TMCC1: variants seen among roughly 807,000 people sequenced by gnomAD.
TMCC1 encodes the protein transmembrane and coiled-coil domain family 1.
A neutral mutation model predicts 52.4 loss-of-function variants in TMCC1; 15 were observed. The ratio of observed to expected loss-of-function variants is 0.29; its 90% CI spans 0.19 to 0.44. The LOEUF is 0.44. TMCC1 is among the 20% of genes least tolerant of loss of function. The probability of loss-of-function intolerance (pLI) is 1.00; values close to 1 mark genes in which losing one functional copy is unlikely to be tolerated. For synonymous variants in TMCC1, 279 were observed against 301.9 expected, an observed-to-expected ratio of 0.92 and a Z score of 0.79; for missense variants, 503 against 806.0, an observed-to-expected ratio of 0.62 and a Z score of 4.55.
intron 4 of TMCC1, among the ~76,000 whole-genome samples, chr3:129,772,745 C>T (rs1295344536): frequency 1.5e-5 from 2 of 130,588 alleles, no homozygotes; most frequent in Non-Finnish European, 3.3e-5. Flanking sequence ...AAAAAAAAAA[C>T]TGATTCACAG....
chr3:129,853,635 CAA>C (rs150947206), intron 2 of TMCC1, among the ~76,000 whole-genome samples: 174 of 112,840 alleles, frequency 1.5e-3, no homozygotes, highest in African/African-American at 4.6e-3. Flanking sequence ...CACCCCACCT[CAA>C]AAAAAAAAAA....
intron 4 of TMCC1, among the ~76,000 whole-genome samples, chr3:129,719,678 G>T (rs901674507): frequency 6.6e-6 from 1 of 152,208 alleles, no homozygotes; most frequent in African/African-American, 2.4e-5. Flanking sequence ...CTGGTGGGAA[G>T]AAATCTCCAC....
intron 4 of TMCC1, among the ~76,000 whole-genome samples, chr3:129,672,188 C>A (rs562060932): frequency 5.3e-4 from 80 of 152,256 alleles, no homozygotes; most frequent in African/African-American, 1.8e-3. Flanking sequence ...ACATAGTTAG[C>A]TAAATTTGGG....
chr3:129,825,759 C>A (rs1022728811), intron 4 of TMCC1, among the ~76,000 whole-genome samples: 1 of 152,176 alleles, frequency 6.6e-6, no homozygotes, highest in Non-Finnish European at 1.5e-5. Flanking sequence ...AGATCAGCGG[C>A]TACCAGAGGC....
Position 129,651,715 on chromosome 3 carries a change from C to A in TMCC1, c.1728G>T (p.Gly576=), listed in dbSNP as rs778904612. 3.0e-5 allele frequency: 48 copies of A among 1,614,098 alleles called. No homozygotes were observed. Among genetic ancestry groups the A allele is most frequent in the Non-Finnish European group, 4.0e-5 (47 of 1,180,044 alleles). The change falls in exon 7 of 7, where the codon GGG becomes GGT. Residue 576 remains glycine, a synonymous_variant. Transcript: ENST00000393238. This position sits in a 1 kb window ranked among gnomAD's most constrained non-coding sequence, Gnocchi z 5.1. ...QQQQQVVQLE[G]LENATARNLL... ...GGTTCCGGGCAGTGGCATTCTCCAG[C>A]CCTTCTAGCTGCACCACCTGCTGCT... is the stretch of plus-strand genomic sequence containing the variant.
intron 4 of TMCC1, among the ~76,000 whole-genome samples, chr3:129,793,519 T>G (rs984722543): frequency 6.6e-6 from 1 of 152,212 alleles, no homozygotes. Flanking sequence ...AACTGCTACA[T>G]TTTTTAAATG....
At chr3:129,825,769 C>T (rs1171123511) in intron 4 of TMCC1, among the ~76,000 whole-genome samples, 2 of 152,144 alleles carry the variant, frequency 1.3e-5, no homozygotes, top group Admixed American at 6.6e-5. Flanking sequence ...CTACCAGAGG[C>T]CACCGGTTGG....
intron 4 of TMCC1, among the ~76,000 whole-genome samples, chr3:129,674,183 C>CA (rs2088203745): frequency 1.3e-5 from 2 of 152,192 alleles, no homozygotes; most frequent in Non-Finnish European, 2.9e-5. Flanking sequence ...CCCATATTTA[C>CA]AAGTGATCAC....
At chr3:129,870,965 T>C (rs1169608010) in intron 2 of TMCC1, among the ~76,000 whole-genome samples, 1 of 151,936 alleles carries the variant, frequency 6.6e-6, no homozygotes, top group Non-Finnish European at 1.5e-5. Context: ...TGTTCACCAA[T>C]GTTAGCTTTT....
chr3:129,774,097 G>A (rs544325801), intron 4 of TMCC1, among the ~76,000 whole-genome samples: 151 of 152,240 alleles, frequency 9.9e-4, no homozygotes, highest in African/African-American at 3.4e-3. Flanking sequence ...ATTTTCCACT[G>A]AAAGAAACCA....
intron 3 of TMCC1, among the ~76,000 whole-genome samples, chr3:129,831,594 A>C (rs915538272): frequency 6.6e-6 from 1 of 152,238 alleles, no homozygotes; most frequent in African/African-American, 2.4e-5. Flanking sequence ...AAACTAGTTA[A>C]GGTTTTGAAG....
chr3:129,764,054 G>A (rs2053878029), intron 4 of TMCC1, among the ~76,000 whole-genome samples: 3 of 152,066 alleles, frequency 2.0e-5, no homozygotes, highest in Admixed American at 2.0e-4. Flanking sequence ...ACTGAAATTG[G>A]ATCTAAAGTT....
chr3:129,840,319 C>A (rs1474906927), intron 2 of TMCC1, among the ~76,000 whole-genome samples: 1 of 75,882 alleles, frequency 1.3e-5, no homozygotes, highest in Admixed American at 2.2e-4. Flanking sequence ...AGAGTGAGAA[C>A]CTGTCTCAAA....
chr3:129,786,586 A>G (rs1383365229), intron 4 of TMCC1, among the ~76,000 whole-genome samples: 1 of 152,158 alleles, frequency 6.6e-6, no homozygotes, highest in African/African-American at 2.4e-5. Context: ...CTCAGGTTCA[A>G]AGGAAGAGCT....
intron 4 of TMCC1, among the ~76,000 whole-genome samples, chr3:129,810,961 A>C (rs2057773034): frequency 1.3e-5 from 2 of 152,238 alleles, no homozygotes; most frequent in Admixed American, 1.3e-4. Flanking sequence ...AACAATGTTT[A>C]AGGTATTCTA....
intron 6 of TMCC1, among the ~76,000 whole-genome samples, chr3:129,652,321 A>C (rs184232436): frequency 2.1e-3 from 323 of 152,228 alleles, no homozygotes; most frequent in African/African-American, 7.0e-3. Flanking sequence ...AAATCCTAAG[A>C]CCCCCAGCCA....
At chr3:129,709,760 ACT>A (rs1169961680) in intron 4 of TMCC1, among the ~76,000 whole-genome samples, 1 of 152,054 alleles carries the variant, frequency 6.6e-6, no homozygotes, top group Non-Finnish European at 1.5e-5. Flanking sequence ...GAAGACTGAC[ACT>A]CTCAAGTGGG....
At chr3:129,763,957 T>A (rs1404442326) in intron 4 of TMCC1, among the ~76,000 whole-genome samples, 2 of 151,762 alleles carry the variant, frequency 1.3e-5, no homozygotes, top group Non-Finnish European at 2.9e-5. Flanking sequence ...AATAAGACCA[T>A]TAAAACAAGG....
chr3:129,866,378 G>A (rs866986873), intron 2 of TMCC1, among the ~76,000 whole-genome samples: 120 of 108,022 alleles, frequency 1.1e-3, no homozygotes, highest in African/African-American at 4.1e-3. Flanking sequence ...ATATATATAT[G>A]TTTTTTTTTT....
Sources: gnomAD v4.1 joint callset for allele counts (sites outside exome capture counted in the v4.1 genomes callset) on GRCh38, gnomAD v4.1.1 for gene constraint, Gnocchi (gnomAD v3.1) non-coding constraint, MANE v1.5 for transcripts, NCBI Gene and HGNC (gene_info 2026-07-23, HGNC 2026-07-21) for gene names.